LRP1B: variants seen among roughly 807,000 people sequenced by gnomAD.
LRP1B encodes the protein LDL receptor related protein 1B.
Under a neutral mutation model 556.6 loss-of-function variants are expected in LRP1B, and 217 were observed. The ratio of observed to expected loss-of-function variants is 0.39; its 90% CI spans 0.35 to 0.44. The LOEUF (loss-of-function observed/expected upper bound fraction) is 0.44. Among genes scored for constraint, LRP1B ranks in the 20% least tolerant of loss-of-function variants. LRP1B has a pLI of 1.00. For synonymous variants in LRP1B, 2,047 were observed against 1,865.8 expected, an observed-to-expected ratio of 1.10 and a Z score of -2.50; for missense variants, 5,053 against 5,620.8, an observed-to-expected ratio of 0.90 and a Z score of 3.23.
intron 41 of LRP1B, among the ~76,000 whole-genome samples, chr2:140,613,400 A>AATAATTATATACATATAAATATATATAT (rs1683148281): frequency 1.2e-5 from 1 of 84,378 alleles, no homozygotes; most frequent in Non-Finnish European, 2.7e-5. Context: ...TATAAATATA[A>AATAATTATATACATATAAATATATATAT]ATAATTATAT....
At chr2:141,673,862 G>A (rs1690772902) in intron 2 of LRP1B, among the ~76,000 whole-genome samples, 1 of 151,918 alleles carries the variant, frequency 6.6e-6, no homozygotes, top group African/African-American at 2.4e-5. Context: ...TATGAGTACA[G>A]AGTAGGTGTA....
At chr2:141,555,283 G>C (rs1020764293) in intron 2 of LRP1B, among the ~76,000 whole-genome samples, 4 of 152,014 alleles carry the variant, frequency 2.6e-5, no homozygotes, top group African/African-American at 9.7e-5. Flanking sequence ...GTCATGAAAT[G>C]CTCAGAAGGA....
intron 27 of LRP1B, among the ~76,000 whole-genome samples, chr2:140,861,019 T>TA (rs1404137125): frequency 6.9e-6 from 1 of 143,896 alleles, no homozygotes; most frequent in African/African-American, 2.6e-5. Context: ...TCTATCTATC[T>TA]ATCTATCTAA....
chr2:140,451,099 G>A (rs569998474), intron 62 of LRP1B, among the ~76,000 whole-genome samples: 99 of 152,178 alleles, frequency 6.5e-4, no homozygotes, highest in Non-Finnish European at 1.0e-3. Context: ...ATGCCACCTC[G>A]CCCAGAAAAT....
chr2:140,597,239 A>G (rs924875523), intron 43 of LRP1B, among the ~76,000 whole-genome samples: 2 of 152,174 alleles, frequency 1.3e-5, no homozygotes, highest in African/African-American at 4.8e-5. Context: ...CAATTAAACA[A>G]TGCACATCTT....
chr2:141,650,251 T>C (rs906816265), intron 2 of LRP1B, among the ~76,000 whole-genome samples: 1 of 152,136 alleles, frequency 6.6e-6, no homozygotes, highest in Non-Finnish European at 1.5e-5. Flanking sequence ...TCACTCTAAG[T>C]TGAGGTTCTA....
At chr2:141,179,546 A>G (rs1680900984) in intron 7 of LRP1B, among the ~76,000 whole-genome samples, 1 of 152,016 alleles carries the variant, frequency 6.6e-6, no homozygotes, top group South Asian at 2.1e-4. Context: ...TTTTATCTGT[A>G]GTTAATGGGT....
At chr2:140,383,662 C>T (rs1683635873) in intron 67 of LRP1B, among the ~76,000 whole-genome samples, 1 of 152,140 alleles carries the variant, frequency 6.6e-6, no homozygotes, top group South Asian at 2.1e-4. Context: ...ATTCCTCTTA[C>T]ATGTGTAAAA....
chr2:140,631,152 C>T lies in LRP1B; in HGVS notation c.6800-29513G>A, dbSNP rs1330952472. Among the ~76,000 whole-genome samples the T allele has an allele frequency of 7.2e-5, 11 of 152,242 alleles. No homozygotes were observed. In the East Asian group the frequency reaches 1.9e-3, roughly 27 times the overall value. On this transcript the variant is annotated intron_variant, in intron 41 of 90. Coordinates refer to ENST00000389484, the MANE Select transcript of LRP1B (RefSeq NM_018557.3). The stretch of plus-strand genomic sequence containing the variant: ...TGCTGACACCCATAGCTATGGCAAA[C>T]ATTAAACATAATCCAACTCCTTGCC...
intron 2 of LRP1B, among the ~76,000 whole-genome samples, chr2:141,618,219 C>A (rs1688381132): frequency 6.6e-6 from 1 of 151,946 alleles, no homozygotes; most frequent in African/African-American, 2.4e-5. Flanking sequence ...TTATGGTCAT[C>A]CTTTTACAAA....
At chr2:140,564,725 T>C (rs1037275620) in intron 43 of LRP1B, among the ~76,000 whole-genome samples, 1 of 152,074 alleles carries the variant, frequency 6.6e-6, no homozygotes, top group African/African-American at 2.4e-5. Flanking sequence ...AACAAATATA[T>C]ACAGAATTAC....
intron 3 of LRP1B, among the ~76,000 whole-genome samples, chr2:141,394,165 A>G (rs1283866592): frequency 6.6e-6 from 1 of 152,148 alleles, no homozygotes. Context: ...AATGTTCTCT[A>G]TTTGTTAACT....
intron 41 of LRP1B, among the ~76,000 whole-genome samples, chr2:140,677,201 T>G (rs77260976): frequency 0.043 from 6,488 of 152,290 alleles, 268 homozygotes; most frequent in African/African-American, 0.095. Flanking sequence ...CAGAAATGAG[T>G]TCATTGTCTT....
chr2:141,246,053 A>T (rs185914151), intron 5 of LRP1B, among the ~76,000 whole-genome samples: 201 of 152,316 alleles, frequency 1.3e-3, no homozygotes, highest in Middle Eastern at 3.4e-3. Flanking sequence ...CCTGTGATAA[A>T]TATATATAAA....
intron 7 of LRP1B, among the ~76,000 whole-genome samples, chr2:141,177,727 T>C (rs973472545): frequency 1.3e-5 from 2 of 152,142 alleles, no homozygotes; most frequent in South Asian, 4.1e-4. Context: ...CAGACTTTTC[T>C]AATAGTTCCA....
chr2:140,398,675 C>A (rs1684361209), intron 66 of LRP1B, among the ~76,000 whole-genome samples: 1 of 152,136 alleles, frequency 6.6e-6, no homozygotes, highest in Non-Finnish European at 1.5e-5. Context: ...CATTGGCACA[C>A]ATCACTATGC....
rs142326526 is a variant in LRP1B at position 141,067,268 on chromosome 2, C to A, written c.1014-4995G>T. Among the ~76,000 whole-genome samples, 484 of 152,034 alleles carry A rather than the reference C, an allele frequency of 3.2e-3. 3 individuals carry two copies. The highest frequency in any genetic ancestry group is 0.011 in the African/African-American group (468 of 41,506). ...TTACAAATCTGAAAAAGTAATGAGT[C>A]TTTGAAATAAAAGGTTTAAATTCAA... On this transcript the variant is annotated intron_variant, in intron 7 of 90. Coordinates refer to ENST00000389484, the MANE Select transcript of LRP1B (RefSeq NM_018557.3).
chr2:141,789,184 G>A (rs116506869), intron 2 of LRP1B, among the ~76,000 whole-genome samples: 3,418 of 151,864 alleles, frequency 0.023, 55 homozygotes, highest in Middle Eastern at 0.075. Flanking sequence ...TTTAATATAC[G>A]GCTTCTGGAT....
intron 21 of LRP1B, among the ~76,000 whole-genome samples, chr2:140,913,654 G>C (rs760645514): frequency 6.6e-6 from 1 of 152,018 alleles, no homozygotes; most frequent in Non-Finnish European, 1.5e-5. Flanking sequence ...TTAGGGCATA[G>C]ATAGTAGAAG....
Sources: gnomAD v4.1 joint callset for allele counts (sites outside exome capture counted in the v4.1 genomes callset) on GRCh38, gnomAD v4.1.1 for gene constraint, MANE v1.5 for transcripts, NCBI Gene and HGNC (gene_info 2026-07-23, HGNC 2026-07-21) for gene names.